Variants in LCP2 observed in about 807,000 individuals in gnomAD.
The protein encoded by LCP2 is 76 kDa tyrosine phosphoprotein.
Under a neutral mutation model 74.5 loss-of-function variants are expected in LCP2, and 29 were observed. The observed-to-expected ratio is 0.39, with a 90% confidence interval of 0.29 to 0.53. LCP2 has a LOEUF of 0.53. Among genes scored for constraint, LCP2 ranks in the 20% least tolerant of loss-of-function variants. LCP2 has a pLI of 0.72. For synonymous variants in LCP2, 228 were observed against 229.5 expected (o/e 0.99, Z 0.06); for missense variants, 604 against 634.6 (o/e 0.95, Z 0.52).
At chr5:170,260,415 C>T (rs1294819908) in intron 14 of LCP2, among the ~76,000 whole-genome samples, 1 of 152,202 alleles carries the variant, frequency 6.6e-6, no homozygotes, top group East Asian at 1.9e-4. Context: ...TAGAGAAACT[C>T]AGCAGATCTG....
chr5:170,250,014 C>A (rs995557098), intron 20 of LCP2, among the ~76,000 whole-genome samples: 1 of 152,140 alleles, frequency 6.6e-6, no homozygotes, highest in African/African-American at 2.4e-5. Context: ...TTTTTCTATT[C>A]ATTAACATTA....
intron 10 of LCP2, among the ~76,000 whole-genome samples, chr5:170,264,977 C>A (rs1761723902): frequency 1.7e-5 from 2 of 118,298 alleles, no homozygotes; most frequent in Non-Finnish European, 3.3e-5. Context: ...TCAAAATTTG[C>A]CTTTTTTTTT....
Position 170,261,136 on chromosome 5 carries a change from G to A in LCP2, c.928C>T (p.His310Tyr), listed in dbSNP as rs200367246. 2 of 1,601,782 alleles carry A rather than the reference G, an allele frequency of 1.2e-6. No individual in the cohort carries two copies. The highest frequency in any genetic ancestry group is 1.7e-5 in the Admixed American group (1 of 59,898). Residue 310 changes from histidine to tyrosine, a missense_variant and splice_region_variant, in exon 14 of 21, where the codon CAT (histidine) becomes TAT (tyrosine). His to Tyr is a moderately conservative substitution (Grantham distance 83, BLOSUM62 2). Transcript: ENST00000046794. ...LPGKKPPVPK[H>Y]GWGPDRREND... ...TCTCTTCTGTCTGGTCCCCATCCATGCCTGAAATGAATTAGGGCAAATAAA... is the reference window on the plus strand; with the variant it reads ...TCTCTTCTGTCTGGTCCCCATCCATACCTGAAATGAATTAGGGCAAATAAA...
chr5:170,267,126 C>T (rs755974514), intron 8 of LCP2, 51 bp from the exon 9 acceptor site: 1 of 1,571,154 alleles, frequency 6.4e-7, no homozygotes, highest in Non-Finnish European at 8.8e-7. Flanking sequence ...TCAGCAAGAG[C>T]CGGCACTCCC....
chr5:170,268,159 T>C (rs1196259123), intron 8 of LCP2, among the ~76,000 whole-genome samples: 2 of 152,142 alleles, frequency 1.3e-5, no homozygotes, highest in African/African-American at 2.4e-5. Context: ...CAGTTTTCAC[T>C]TCTCTCAAAT....
chr5:170,256,077 G>GA lies in LCP2; in HGVS notation c.1150+448dup, dbSNP rs1178570444. ...AACAGGATTCTGAGGATTCCGTAGG[G>GA]AAACCGGAGCTGGAGGAATAGTTCT... On this transcript the variant is annotated intron_variant, in intron 17 of 20. Coordinates refer to ENST00000046794, the MANE Select transcript of LCP2 (RefSeq NM_005565.5). This position sits in a 1 kb window ranked among gnomAD's most constrained non-coding sequence, Gnocchi z 4.5. Among the ~76,000 whole-genome samples the GA allele has an allele frequency of 6.6e-6, 1 of 152,218 alleles. No individual in the cohort carries two copies. Among genetic ancestry groups the GA allele is most frequent in the Non-Finnish European group, 1.5e-5 (1 of 68,036 alleles).
intron 17 of LCP2, among the ~76,000 whole-genome samples, chr5:170,253,853 C>G (rs905136768): frequency 6.6e-6 from 1 of 152,130 alleles, no homozygotes; most frequent in African/African-American, 2.4e-5. Flanking sequence ...GTGCTTGTGC[C>G]TCATCTTCTC....
rs1175796164 is a variant in LCP2 at position 170,258,206 on chromosome 5, C to G, written c.971-40G>C. On this transcript the variant is annotated intron_variant, in intron 15 of 20. Transcript: ENST00000046794. ...AAAACAATGAATGAGATTGGCAGGC[C>G]CCAGCTGTCACTAAGAAACATTCCA... 3 of 1,610,132 alleles carry G rather than the reference C, an allele frequency of 1.9e-6. No homozygotes were observed. The South Asian group carries it at 3.3e-5, about 18-fold the overall frequency.
chr5:170,290,952 AAAAGAAAGAAAGAAAGAAAGAAAG>A lies in LCP2; in HGVS notation c.141+2334_141+2357del, dbSNP rs201112309. The stretch of plus-strand genomic sequence containing the variant: ...AGAGAGAAAGAAGAAAGAAAGAAAG[AAAAGAAAGAAAGAAAGAAAGAAAG>A]AAAGAAAGAAAGAAAGAAAGAAAGA... On this transcript the variant is annotated intron_variant, in intron 2 of 20. Transcript: ENST00000046794. Among the ~76,000 whole-genome samples the A allele has an allele frequency of 6.0e-3, 698 of 117,026 alleles. 4 individuals are homozygous for A. Among genetic ancestry groups the A allele is most frequent in the Middle Eastern group, 0.017 (4 of 238 alleles). The allele number at this position is 117,026 out of a possible 152,430, so 76.8% of individuals were successfully genotyped here.
chr5:170,274,261 A>C, intron 6 of LCP2, 40 bp downstream of exon 6: 1 of 1,606,594 alleles, frequency 6.2e-7, no homozygotes, highest in Non-Finnish European at 8.5e-7. Context: ...TGCCCTGGAC[A>C]CTGCTGTAAA....
At chr5:170,296,581 A>G (rs1395479401) in intron 1 of LCP2, among the ~76,000 whole-genome samples, 1 of 152,228 alleles carries the variant, frequency 6.6e-6, no homozygotes, top group Non-Finnish European at 1.5e-5. Flanking sequence ...ATCCGATGCC[A>G]GCCTGCAGGG....
At chr5:170,261,337 C>T (rs1395416630) in intron 13 of LCP2, among the ~76,000 whole-genome samples, 200 bp from the exon 14 acceptor site, 1 of 151,928 alleles carries the variant, frequency 6.6e-6, no homozygotes, top group Non-Finnish European at 1.5e-5. Context: ...GCCATCATTG[C>T]AAGCTGAGCT....
chr5:170,272,253 A>AT (rs1034006304), intron 6 of LCP2, among the ~76,000 whole-genome samples: 29 of 152,104 alleles, frequency 1.9e-4, no homozygotes, highest in African/African-American at 6.8e-4. Flanking sequence ...TAGAACAATT[A>AT]TTTTCTCCCA....
intron 15 of LCP2, 94 bp downstream of exon 15, chr5:170,258,772 A>G (rs1371692921): frequency 3.8e-6 from 3 of 797,110 alleles, no homozygotes; most frequent in African/African-American, 3.5e-5. Flanking sequence ...AATTGATTCT[A>G]TGGGGTTCCT....
chr5:170,272,636 A>G (rs1761916392), intron 6 of LCP2, among the ~76,000 whole-genome samples: 1 of 56,914 alleles, frequency 1.8e-5, no homozygotes, highest in African/African-American at 6.7e-5. Context: ...TTTGAGATGG[A>G]GTCTCTCTCT....
At chr5:170,275,923 C>G (rs183767844) in intron 3 of LCP2, 63 bp from the exon 4 acceptor site, 97 of 1,377,164 alleles carry the variant, frequency 7.0e-5, no homozygotes, top group Middle Eastern at 1.8e-4. Flanking sequence ...TTCCCCCTGA[C>G]CCTTGATATC....
chr5:170,275,121 C>T (rs1430246279), intron 5 of LCP2, among the ~76,000 whole-genome samples, 199 bp downstream of exon 5: 1 of 152,164 alleles, frequency 6.6e-6, no homozygotes. Context: ...GAACAGGGGC[C>T]ATAAGCCAGG....
intron 20 of LCP2, among the ~76,000 whole-genome samples, chr5:170,250,458 T>C (rs1420407174): frequency 6.6e-6 from 1 of 152,258 alleles, no homozygotes; most frequent in Non-Finnish European, 1.5e-5. Flanking sequence ...ACCATCTAAA[T>C]AGATTTTTTT....
chr5:170,274,485 C>G, intron 5 of LCP2, 147 bp from the exon 6 acceptor site: 1 of 784,468 alleles, frequency 1.3e-6, no homozygotes, highest in Non-Finnish European at 2.1e-6. Context: ...CAGGTTTAGC[C>G]ACTTACTGTC....
Sources: allele counts gnomAD v4.1 joint callset (sites outside exome capture counted in the v4.1 genomes callset), GRCh38; gene constraint gnomAD v4.1.1; non-coding constraint Gnocchi (gnomAD v3.1); transcripts MANE v1.5; gene names NCBI Gene and HGNC (gene_info 2026-07-23, HGNC 2026-07-21).